ZC3HAV1: variants seen among roughly 807,000 people sequenced by gnomAD.
ZC3HAV1 encodes zinc finger CCCH-type antiviral protein 1.
In ZC3HAV1, 41 loss-of-function variants were observed where a neutral mutation model predicts 86.6. The ratio of observed to expected loss-of-function variants is 0.47; its 90% CI spans 0.37 to 0.61. ZC3HAV1 has a LOEUF of 0.61. Ranked by LOEUF, ZC3HAV1 falls within the 20% of genes least tolerant of loss-of-function variation. ZC3HAV1 has a pLI of 0.00. For missense variants in ZC3HAV1, 964 were observed against 1,141.1 expected, an observed-to-expected ratio of 0.84 and a Z score of 2.24; for synonymous variants, 421 against 432.1, an observed-to-expected ratio of 0.97 and a Z score of 0.32.
At chr7:139,057,197 A>AT (rs1189734279) in intron 9 of ZC3HAV1, among the ~76,000 whole-genome samples, 2 of 151,838 alleles carry the variant, frequency 1.3e-5, no homozygotes, top group African/African-American at 2.4e-5. Flanking sequence ...CTCTAGAAAC[A>AT]TTTTTTTTAA....
At chr7:139,085,057 T>A (rs1323414476) in intron 2 of ZC3HAV1, among the ~76,000 whole-genome samples, 1 of 152,246 alleles carries the variant, frequency 6.6e-6, no homozygotes, top group Non-Finnish European at 1.5e-5. Context: ...CCAGCAATTC[T>A]CAAAGTGTGG....
chr7:139,054,857 G>A (rs1338060413), intron 10 of ZC3HAV1, among the ~76,000 whole-genome samples: 3 of 152,162 alleles, frequency 2.0e-5, no homozygotes, highest in South Asian at 4.2e-4. Context: ...GCGCGATCTC[G>A]GCTCGCTGCA....
intron 1 of ZC3HAV1, among the ~76,000 whole-genome samples, chr7:139,096,175 C>T (rs969996589): frequency 2.0e-5 from 3 of 152,222 alleles, no homozygotes; most frequent in Non-Finnish European, 2.9e-5. Context: ...CCACCACTCC[C>T]GGCTAATTTT....
intron 4 of ZC3HAV1, chr7:139,079,091 T>G: frequency 6.5e-7 from 1 of 1,535,818 alleles, no homozygotes; most frequent in African/African-American, 1.4e-5. Context: ...CCCTTTGTCC[T>G]TCAGTGACTT....
At chr7:139,064,730 T>C in intron 8 of ZC3HAV1, 149 bp downstream of exon 8, 1 of 1,320,152 alleles carries the variant, frequency 7.6e-7, no homozygotes, top group Non-Finnish European at 1.0e-6. Flanking sequence ...ACAGGTCTTC[T>C]GATGGCCACT....
intron 12 of ZC3HAV1, among the ~76,000 whole-genome samples, 195 bp from the exon 13 acceptor site, chr7:139,048,048 T>C (rs3823544): frequency 0.47 from 71,903 of 151,980 alleles, 17,215 homozygotes; most frequent in Non-Finnish European, 0.5. Flanking sequence ...TATAACCCTA[T>C]AGAAATGACT....
chr7:139,090,066 C>T (rs759943234), intron 1 of ZC3HAV1, among the ~76,000 whole-genome samples: 3 of 151,950 alleles, frequency 2.0e-5, no homozygotes, highest in Non-Finnish European at 4.4e-5. Context: ...AACACAGGCA[C>T]GCACCACCAC....
At chr7:139,059,778 T>TATATATATATATA (rs1816392540) in intron 9 of ZC3HAV1, among the ~76,000 whole-genome samples, 2 of 152,182 alleles carry the variant, frequency 1.3e-5, no homozygotes, top group Admixed American at 1.3e-4. Context: ...TAGAATTAAG[T>TATATATATATATA]CAACTTAATT....
At chr7:139,062,782 C>A (rs1226697933) in intron 8 of ZC3HAV1, among the ~76,000 whole-genome samples, 6 of 152,116 alleles carry the variant, frequency 3.9e-5, no homozygotes, top group African/African-American at 1.4e-4. Context: ...GTAATCCCAA[C>A]ACTTTGGGAG....
chr7:139,065,985 T>C lies in ZC3HAV1; in HGVS notation c.1873-986A>G, dbSNP rs551876516. On this transcript the variant is annotated intron_variant, in intron 7 of 12. Coordinates refer to ENST00000242351, the MANE Select transcript of ZC3HAV1 (RefSeq NM_020119.4). ...CTAGTCTCAAAGCATATAGAAAGCA[T>C]GCAAACATCAGAATGTGTAGGTAAA... 2.6e-5 allele frequency among the ~76,000 whole-genome samples: 4 copies of C among 152,190 alleles called. No individual in the cohort carries two copies. The East Asian group carries it at 7.7e-4, about 29-fold the overall frequency.
chr7:139,074,006 G>T lies in ZC3HAV1; in HGVS notation c.1722C>A (p.Ile574=). ...AATCACAACTCATTACCCGAAAATT[G>T]ATTGTATAACTTCCTACAGAACAGC... ...IHLCSVGSYT[I]NFRVMSCDSF... The change falls in exon 7 of 13, where the codon ATC becomes ATA. Residue 574 remains isoleucine (I), a synonymous_variant. Coordinates refer to ENST00000242351, the MANE Select transcript of ZC3HAV1 (RefSeq NM_020119.4). 6.2e-7 allele frequency: 1 copy of T among 1,612,972 alleles called. No homozygotes were observed. The highest frequency in any genetic ancestry group is 1.1e-5 in the South Asian group (1 of 91,008).
At chr7:139,053,407 G>A (rs757135461) in intron 12 of ZC3HAV1, 44 bp downstream of exon 12, 16 of 1,508,812 alleles carry the variant, frequency 1.1e-5, no homozygotes, top group African/African-American at 1.4e-5. Flanking sequence ...TATAAAGCCC[G>A]AGTTATGACT....
chr7:139,069,971 T>C (rs1025975364), intron 7 of ZC3HAV1, among the ~76,000 whole-genome samples: 1 of 152,170 alleles, frequency 6.6e-6, no homozygotes, highest in African/African-American at 2.4e-5. Flanking sequence ...TGGACCACAA[T>C]GCATTGATCC....
intron 10 of ZC3HAV1, among the ~76,000 whole-genome samples, chr7:139,054,851 G>A (rs1328354287): frequency 1.3e-5 from 2 of 152,132 alleles, no homozygotes; most frequent in African/African-American, 2.4e-5. Flanking sequence ...GCAGTGGCGC[G>A]ATCTCGGCTC....
At chr7:139,070,599 G>A (rs1354482832) in intron 7 of ZC3HAV1, among the ~76,000 whole-genome samples, 1 of 147,692 alleles carries the variant, frequency 6.8e-6, no homozygotes, top group Non-Finnish European at 1.5e-5. Flanking sequence ...GGGAGGCGGG[G>A]CTTGCAGTAA....
At position 139,079,930 on chromosome 7, in the gene ZC3HAV1, C is replaced by T. The variant is rs777234290; in HGVS notation, c.1011G>A (p.Glu337=). 5.0e-6 allele frequency: 8 copies of T among 1,614,064 alleles called. No homozygotes were observed. In the East Asian group the frequency reaches 1.3e-4, roughly 27 times the overall value. Residue 337 remains glutamate, a synonymous_variant, in exon 4 of 13, where the codon GAG becomes GAA. Coordinates refer to ENST00000242351, the MANE Select transcript of ZC3HAV1 (RefSeq NM_020119.4). The part of the protein sequence containing the change: ...SQRFLENGSQ[E]DLLHGNPGST... ...TGCCTGGATTTCCATGCAAGAGGTC[C>T]TCTTGACTGCCGTTCTCTAAAAACC... is the stretch of plus-strand genomic sequence containing the variant.
intron 6 of ZC3HAV1, 106 bp from the exon 7 acceptor site, chr7:139,074,136 T>C (rs1816866091): frequency 5.3e-6 from 6 of 1,129,732 alleles, no homozygotes; most frequent in South Asian, 3.3e-5. Context: ...AGGGCTAAAA[T>C]AGATCTTCAA....
Position 139,083,774 on chromosome 7 carries a change from C to G in ZC3HAV1, c.697+6G>C. 2 of 1,600,354 alleles carry G rather than the reference C, an allele frequency of 1.2e-6. No homozygotes were observed. The highest frequency in any genetic ancestry group is 1.7e-5 in the Admixed American group (1 of 58,418). On this transcript the variant is annotated splice_donor_region_variant and intron_variant, in intron 3 of 12. Transcript: ENST00000242351. Reference sequence around the variant, plus strand: ...TTCACACAATTGAAAAAGAAAAGGCCTTTACCTCTGGGCCCTGGGGGATTC... The same window carrying G: ...TTCACACAATTGAAAAAGAAAAGGCGTTTACCTCTGGGCCCTGGGGGATTC...
chr7:139,056,047 T>C (rs2130669040), intron 9 of ZC3HAV1, among the ~76,000 whole-genome samples: 2 of 152,354 alleles, frequency 1.3e-5, no homozygotes, highest in Non-Finnish European at 2.9e-5. Flanking sequence ...AAGCCATCAA[T>C]TGTATAGCAT....
Sources: gnomAD v4.1 joint callset for allele counts (sites outside exome capture counted in the v4.1 genomes callset) on GRCh38, gnomAD v4.1.1 for gene constraint, MANE v1.5 for transcripts, NCBI Gene and HGNC (gene_info 2026-07-23, HGNC 2026-07-21) for gene names.